Variants in CEP85L observed in about 807,000 individuals in gnomAD.
CEP85L encodes centrosomal protein 85L.
A neutral mutation model predicts 100.3 loss-of-function variants in CEP85L; 60 were observed. That is an observed-to-expected ratio of 0.60 (90% CI 0.49 to 0.74). The LOEUF (loss-of-function observed/expected upper bound fraction) is 0.74. Ranked by LOEUF, CEP85L falls within the 30% of genes least tolerant of loss-of-function variation. The probability of loss-of-function intolerance (pLI) is 0.00; values close to 1 mark genes in which losing one functional copy is unlikely to be tolerated. For missense variants in CEP85L, 973 were observed against 936.2 expected, an observed-to-expected ratio of 1.04 and a Z score of -0.51; for synonymous variants, 319 against 322.7, an observed-to-expected ratio of 0.99 and a Z score of 0.12.
At chr6:118,561,937 T>C (rs73766558) in intron 3 of CEP85L, among the ~76,000 whole-genome samples, 4,135 of 152,250 alleles carry the variant, frequency 0.027, 194 homozygotes, top group African/African-American at 0.094. Context: ...TCTGGCAAAG[T>C]AGGACTATAA....
intron 5 of CEP85L, chr6:118,501,384 C>A: frequency 2.8e-6 from 1 of 360,980 alleles, no homozygotes; most frequent in Non-Finnish European, 5.3e-6. Flanking sequence ...TGGCACAAGG[C>A]CCCTCTTGAG....
At chr6:118,621,325 C>T (rs1401046388) in intron 2 of CEP85L, among the ~76,000 whole-genome samples, 1 of 152,164 alleles carries the variant, frequency 6.6e-6, no homozygotes, top group African/African-American at 2.4e-5. Context: ...CTCTCAGATA[C>T]CAGAGGAAGC....
chr6:118,555,352 CGGG>C (rs914808845), intron 3 of CEP85L, among the ~76,000 whole-genome samples: 2 of 147,560 alleles, frequency 1.4e-5, no homozygotes, highest in Non-Finnish European at 3.0e-5. Flanking sequence ...GGCGTGAACC[CGGG>C]AGGTGGAGCT....
At chr6:118,488,713 A>G (rs900347396) in intron 6 of CEP85L, among the ~76,000 whole-genome samples, 9 of 152,156 alleles carry the variant, frequency 5.9e-5, no homozygotes, top group African/African-American at 1.2e-4. Flanking sequence ...AGGGGACCCA[A>G]TGGAACCCAA....
intron 1 of CEP85L, among the ~76,000 whole-genome samples, chr6:118,669,877 G>C (rs1037146479): frequency 6.6e-6 from 1 of 150,954 alleles, no homozygotes; most frequent in African/African-American, 2.4e-5. Flanking sequence ...AATTGACTGT[G>C]TGATCTTAGG....
chr6:118,491,540 C>T (rs573803301), intron 6 of CEP85L, 146 bp downstream of exon 6: 2 of 1,416,570 alleles, frequency 1.4e-6, no homozygotes, highest in Non-Finnish European at 1.8e-6. Context: ...CAGCAGAGGG[C>T]TTCTCAAAAG....
intron 5 of CEP85L, among the ~76,000 whole-genome samples, chr6:118,510,692 A>G (rs112849153): frequency 6.6e-6 from 1 of 152,300 alleles, no homozygotes; most frequent in African/African-American, 2.4e-5. Context: ...CTCAATACCT[A>G]GAAATTTCAC....
At chr6:118,508,814 C>T (rs967375657) in intron 5 of CEP85L, among the ~76,000 whole-genome samples, 1 of 151,878 alleles carries the variant, frequency 6.6e-6, no homozygotes, top group African/African-American at 2.4e-5. Flanking sequence ...TGTTATGGAT[C>T]AGAAAAATGT....
intron 12 of CEP85L, among the ~76,000 whole-genome samples, chr6:118,467,665 C>T (rs965985132): frequency 6.6e-6 from 1 of 152,128 alleles, no homozygotes; most frequent in Non-Finnish European, 1.5e-5. Context: ...TACCTTATGA[C>T]AGTGAAAATG....
rs1015209403 is a variant in CEP85L, at chr6:118,511,302, A to C, written c.1253T>G (p.Leu418Trp). The part of the protein sequence containing the change: ...VNCEDSYVAS[L>W]QPQYENTSLQ... ...CAAAATCCTCTGTAATCTTACCTGCAAACTAGCCACATAAGAATCCTCACA... is the reference window on the plus strand; with the variant it reads ...CAAAATCCTCTGTAATCTTACCTGCCAACTAGCCACATAAGAATCCTCACA... Residue 418 changes from leucine (L) to tryptophan (W), a missense_variant, in exon 5 of 13, where the codon TTG (leucine) becomes TGG (tryptophan). Transcript: ENST00000368491. 3 of 1,603,916 alleles carry C rather than the reference A, an allele frequency of 1.9e-6. No individual in the cohort carries two copies. Among genetic ancestry groups the C allele is most frequent in the African/African-American group, 2.7e-5 (2 of 74,698 alleles).
At chr6:118,520,955 T>C (rs1377179748) in intron 4 of CEP85L, among the ~76,000 whole-genome samples, 4 of 152,222 alleles carry the variant, frequency 2.6e-5, no homozygotes, top group African/African-American at 9.7e-5. Flanking sequence ...CAGTTATTTT[T>C]CCCATTTTCT....
intron 6 of CEP85L, 109 bp downstream of exon 6, chr6:118,491,577 T>C: frequency 6.8e-7 from 1 of 1,471,098 alleles, no homozygotes; most frequent in South Asian, 1.5e-5. Context: ...CACCTCCACA[T>C]AAATGTATAC....
intron 2 of CEP85L, among the ~76,000 whole-genome samples, chr6:118,608,396 G>A (rs1052164269): frequency 6.6e-6 from 1 of 152,188 alleles, no homozygotes; most frequent in African/African-American, 2.4e-5. Flanking sequence ...TCGGGAGGCT[G>A]AGGCAGGAGA....
At chr6:118,636,954 T>A (rs1583206215) in intron 1 of CEP85L, among the ~76,000 whole-genome samples, 1 of 152,184 alleles carries the variant, frequency 6.6e-6, no homozygotes, top group Non-Finnish European at 1.5e-5. Flanking sequence ...AGAACTTCAA[T>A]ACAATATTGG....
intron 4 of CEP85L, among the ~76,000 whole-genome samples, chr6:118,516,905 T>A (rs75259032): frequency 1.3e-5 from 2 of 152,232 alleles, no homozygotes; most frequent in Admixed American, 6.5e-5. Flanking sequence ...TTTTAATCCA[T>A]CTTTAGTTAA....
rs1257959769 is a variant in CEP85L at position 118,690,637 on chromosome 6, A to T, written c.-28+19399T>A. On this transcript the variant is annotated intron_variant, in intron 1 of 13. Coordinates refer to the CEP85L transcript ENST00000368488. The stretch of plus-strand genomic sequence containing the variant: ...TTGGGATTGCTCTAGTTAAACATAA[A>T]TCCAAAGCTGCTGGTGGCCATTTTT... 4.6e-5 allele frequency among the ~76,000 whole-genome samples: 7 copies of T among 152,386 alleles called. No individual in the cohort carries two copies. The East Asian group carries it at 1.3e-3, about 29-fold the overall frequency.
chr6:118,672,269 C>T (rs1347184072), intron 1 of CEP85L, among the ~76,000 whole-genome samples: 1 of 152,100 alleles, frequency 6.6e-6, no homozygotes, highest in Non-Finnish European at 1.5e-5. Flanking sequence ...AACTCCTGGC[C>T]TCAAGTGATC....
chr6:118,620,218 C>T (rs138776039), intron 2 of CEP85L, among the ~76,000 whole-genome samples: 252 of 152,248 alleles, frequency 1.7e-3, no homozygotes, highest in African/African-American at 5.4e-3. Flanking sequence ...ACCCAATCAG[C>T]GGCCAATATT....
intron 12 of CEP85L, among the ~76,000 whole-genome samples, chr6:118,468,571 C>G (rs1463933261): frequency 6.6e-6 from 1 of 152,136 alleles, no homozygotes. Context: ...TCACATTAAG[C>G]CAGCAGGTAC....
Sources: allele counts gnomAD v4.1 joint callset (sites outside exome capture counted in the v4.1 genomes callset), GRCh38; gene constraint gnomAD v4.1.1; transcripts MANE v1.5; gene names NCBI Gene and HGNC (gene_info 2026-07-23, HGNC 2026-07-21).